The following DSTN variants were observed in gnomAD, a reference collection of about 807,000 sequenced individuals.
DSTN encodes the protein destrin.
A neutral mutation model predicts 16.8 loss-of-function variants in DSTN; 10 were observed. The ratio of observed to expected loss-of-function variants is 0.60; its 90% CI spans 0.37 to 1.01. The LOEUF (loss-of-function observed/expected upper bound fraction) is 1.01, where lower values mean the gene tolerates loss of function less well. Ranked by LOEUF, DSTN falls within the 50% of genes least tolerant of loss-of-function variation. DSTN has a pLI of 0.01. For synonymous variants in DSTN, 57 were observed against 58.9 expected, an observed-to-expected ratio of 0.97 and a Z score of 0.14; for missense variants, 141 against 196.7, an observed-to-expected ratio of 0.72 and a Z score of 1.69.
intron 1 of DSTN, chr20:17,596,775 G>A: frequency 1.0e-6 from 1 of 985,258 alleles, no homozygotes; most frequent in Non-Finnish European, 1.2e-6. Flanking sequence ...TCCTTACTGA[G>A]GCTTTTAAGG....
chr20:17,580,617 C>T (rs962210818), intron 1 of DSTN, among the ~76,000 whole-genome samples: 2 of 152,076 alleles, frequency 1.3e-5, no homozygotes, highest in African/African-American at 2.4e-5. Flanking sequence ...TGTGATGGCA[C>T]GCGCCTGTAA....
At chr20:17,570,234 C>A (rs750339600) in intron 1 of DSTN, 23 bp downstream of exon 1, 1 of 1,498,726 alleles carries the variant, frequency 6.7e-7, no homozygotes, top group Non-Finnish European at 8.9e-7. Context: ...GAGGCCGAGG[C>A]GTGGGCCGAG....
chr20:17,573,431 A>C (rs1289079807), intron 1 of DSTN, among the ~76,000 whole-genome samples: 1 of 152,002 alleles, frequency 6.6e-6, no homozygotes, highest in African/African-American at 2.4e-5. Context: ...TCCCCTGTTG[A>C]TAGACATTCA....
chr20:17,601,939 C>CTTT (rs5840777), intron 2 of DSTN, among the ~76,000 whole-genome samples: 2 of 141,516 alleles, frequency 1.4e-5, no homozygotes, highest in African/African-American at 2.6e-5. Context: ...TGATTTTTTT[C>CTTT]TTTTTTTTTT....
Position 17,607,165 on chromosome 20 carries a change from T to C in DSTN, c.*19T>C. On this transcript the variant is annotated 3_prime_UTR_variant, in exon 4 of 4. Coordinates refer to ENST00000246069, the MANE Select transcript of DSTN (RefSeq NM_006870.4). ...TGTGTAGATTATTCAGTGCCACAAATTGAAAGCTTCCATGTTTAATGTTAT... is the reference window on the plus strand; with the variant it reads ...TGTGTAGATTATTCAGTGCCACAAACTGAAAGCTTCCATGTTTAATGTTAT... 1.2e-6 allele frequency: 2 copies of C among 1,602,646 alleles called. No individual in the cohort carries two copies. Among genetic ancestry groups the C allele is most frequent in the Non-Finnish European group, 1.7e-6 (2 of 1,173,990 alleles).
intron 1 of DSTN, among the ~76,000 whole-genome samples, chr20:17,585,179 A>G (rs551533702): frequency 1.2e-4 from 19 of 152,348 alleles, no homozygotes; most frequent in Admixed American, 6.5e-5. Context: ...GGTTTACACA[A>G]TAAAGTGCTT....
intron 1 of DSTN, among the ~76,000 whole-genome samples, chr20:17,593,102 CT>C (rs2035487795): frequency 6.6e-6 from 1 of 152,180 alleles, no homozygotes; most frequent in Non-Finnish European, 1.5e-5. Context: ...CAGTTTCCTT[CT>C]CCCTTATCCT....
At chr20:17,591,115 C>G (rs1039387317) in intron 1 of DSTN, among the ~76,000 whole-genome samples, 1 of 152,148 alleles carries the variant, frequency 6.6e-6, no homozygotes, top group African/African-American at 2.4e-5. Context: ...CCCCCTTCCC[C>G]CCCAGAAAAA....
chr20:17,598,084 A>G (rs59075820), intron 1 of DSTN, among the ~76,000 whole-genome samples: 2,621 of 152,240 alleles, frequency 0.017, 80 homozygotes, highest in African/African-American at 0.06. Flanking sequence ...TTAAAAATCT[A>G]TTCATCACTA....
Position 17,570,182 on chromosome 20 carries a change from C to A in DSTN, c.-27C>A, listed in dbSNP as rs775022738. 2.6e-6 allele frequency: 4 copies of A among 1,519,036 alleles called. No individual in the cohort carries two copies. The highest frequency in any genetic ancestry group is 5.3e-5 in the East Asian group (2 of 37,608). The allele number at this position is 1,519,036 out of a possible 1,614,324, so 94.1% of individuals were successfully genotyped here. A position where few individuals can be genotyped will look rare whatever the true frequency, so the allele number is the denominator to read the frequency against. ...CTCGCTGCCCGCCGGCTCCCTCCCC[C>A]GCGTCCCTGCGACCGCCGCGGCGAA... On this transcript the variant is annotated 5_prime_UTR_variant, in exon 1 of 4. Coordinates refer to ENST00000246069, the MANE Select transcript of DSTN (RefSeq NM_006870.4).
intron 1 of DSTN, chr20:17,576,156 A>G (rs1160383583): frequency 1.3e-5 from 2 of 152,180 alleles, no homozygotes; most frequent in Admixed American, 1.3e-4. Context: ...TAAGACCCCC[A>G]TTGAGTTGAA....
intron 1 of DSTN, chr20:17,596,787 G>A (rs1177987943): frequency 1.0e-6 from 1 of 985,316 alleles, no homozygotes; most frequent in Non-Finnish European, 1.2e-6. Context: ...CTTTTAAGGA[G>A]CTTGTAAGTT....
chr20:17,578,003 C>T (rs999549800), intron 1 of DSTN, among the ~76,000 whole-genome samples: 3 of 152,224 alleles, frequency 2.0e-5, no homozygotes, highest in African/African-American at 4.8e-5. Flanking sequence ...TTAAAGGACT[C>T]GTTAAGTCAC....
rs187528415 is a variant in DSTN at position 17,573,471 on chromosome 20, G to C, written c.3+3260G>C. Reference sequence around the variant, plus strand: ...TTTCCTAATTTTTTGCCTTTTTTTGGTCTATTTAAAGTTTTTATAATAGGC... The same window carrying C: ...TTTCCTAATTTTTTGCCTTTTTTTGCTCTATTTAAAGTTTTTATAATAGGC... On this transcript the variant is annotated intron_variant, in intron 1 of 3. Coordinates refer to ENST00000246069, the MANE Select transcript of DSTN (RefSeq NM_006870.4). Among the ~76,000 whole-genome samples the C allele has an allele frequency of 1.3e-3, 197 of 151,714 alleles. 2 individuals carry two copies. Among genetic ancestry groups the C allele is most frequent in the Non-Finnish European group, 3.2e-4 (22 of 67,910 alleles).
At chr20:17,587,894 TTAGCCACACATCAAGTATTCAG>T (rs2035428390) in intron 1 of DSTN, among the ~76,000 whole-genome samples, 1 of 152,248 alleles carries the variant, frequency 6.6e-6, no homozygotes, top group Admixed American at 6.5e-5. Flanking sequence ...TTCAGCTTTA[TTAGCCACACATCAAGTATTCAG>T]TAGCCACACT....
intron 1 of DSTN, among the ~76,000 whole-genome samples, chr20:17,597,859 T>G (rs1210339726): frequency 1.3e-5 from 2 of 152,210 alleles, no homozygotes; most frequent in Non-Finnish European, 2.9e-5. Flanking sequence ...ATTCCCCTTT[T>G]TTCTCAACCT....
At chr20:17,598,135 A>G (rs2035548134) in intron 1 of DSTN, among the ~76,000 whole-genome samples, 1 of 152,206 alleles carries the variant, frequency 6.6e-6, no homozygotes, top group Non-Finnish European at 1.5e-5. Flanking sequence ...TCTATTTTGA[A>G]TAATGTTACT....
Position 17,574,725 on chromosome 20 carries a change from CAA to C in DSTN, c.3+4535_3+4536del, listed in dbSNP as rs775060379. Among the ~76,000 whole-genome samples, 245 of 52,960 alleles carry C rather than the reference CAA, an allele frequency of 4.6e-3. 2 individuals are homozygous for C. Among genetic ancestry groups the C allele is most frequent in the African/African-American group, 0.014 (233 of 16,178 alleles). The allele number at this position is 52,960 out of a possible 152,430, so 34.7% of individuals were successfully genotyped here. A position where few individuals can be genotyped will look rare whatever the true frequency, so the allele number is the denominator to read the frequency against. On this transcript the variant is annotated intron_variant, in intron 1 of 3. Coordinates refer to ENST00000246069, the MANE Select transcript of DSTN (RefSeq NM_006870.4). ...TGGGTGACAGAGCGAGACTCAGTCT[CAA>C]AAAAAAAAAAAAAAAAAAAATTAAA...
chr20:17,594,689 A>C (rs1026500310), intron 1 of DSTN, among the ~76,000 whole-genome samples: 1 of 152,164 alleles, frequency 6.6e-6, no homozygotes, highest in Non-Finnish European at 1.5e-5. Flanking sequence ...TACATATCCT[A>C]ATCTCCCTCC....
Sources: allele counts gnomAD v4.1 joint callset (sites outside exome capture counted in the v4.1 genomes callset), GRCh38; gene constraint gnomAD v4.1.1; transcripts MANE v1.5; gene names NCBI Gene and HGNC (gene_info 2026-07-23, HGNC 2026-07-21).